The following KCNQ1 variants were observed in gnomAD, a reference collection of about 807,000 sequenced individuals.
The protein encoded by KCNQ1 is potassium voltage-gated channel subfamily KQT member 1.
KCNQ1 carries 49 observed loss-of-function variants against 72.4 expected under a neutral mutation model. The ratio of observed to expected loss-of-function variants is 0.68; its 90% CI spans 0.54 to 0.86. The LOEUF (loss-of-function observed/expected upper bound fraction) is 0.86. Ranked by LOEUF, KCNQ1 falls within the 40% of genes least tolerant of loss-of-function variation. The pLI is 0.00. For missense variants in KCNQ1, 790 were observed against 945.1 expected (o/e 0.84, Z 2.15); for synonymous variants, 450 against 412.6 (o/e 1.09, Z -1.10).
chr11:2,677,593 C>T lies in KCNQ1; in HGVS notation c.1514+15512C>T, dbSNP rs1850315840. The stretch of plus-strand genomic sequence containing the variant: ...TGCTTTACAAAAGACAAACCAAAAT[C>T]CCCTCTGGATTTGTTTTTTTCTAAA... On this transcript the variant is annotated intron_variant, in intron 11 of 15. Coordinates refer to ENST00000155840, the MANE Select transcript of KCNQ1 (RefSeq NM_000218.3). The surrounding 1 kb of genome is among the most constrained non-coding windows in gnomAD (Gnocchi z 4.5). The T allele has an allele frequency of 2.5e-6, 1 of 398,568 alleles. No individual in the cohort carries two copies. The highest frequency in any genetic ancestry group is 4.4e-6 in the Non-Finnish European group (1 of 226,058). The allele number at this position is 398,568 out of a possible 1,614,324, so 24.7% of individuals were successfully genotyped here.
At chr11:2,649,356 A>T (rs938281353) in intron 10 of KCNQ1, 12 of 395,646 alleles carry the variant, frequency 3.0e-5, no homozygotes, top group Non-Finnish European at 4.9e-5. Flanking sequence ...TTCCTTTCTC[A>T]TTTGTGTATC....
intron 15 of KCNQ1, among the ~76,000 whole-genome samples, chr11:2,798,128 CCCCCACTTGTGG>C (rs976117069): frequency 3.7e-5 from 5 of 135,462 alleles, no homozygotes; most frequent in Non-Finnish European, 6.4e-5. Context: ...ACCCTCAGTG[CCCCCACTTGTGG>C]CCCAGGCCCA....
At chr11:2,585,503 C>T (rs917668552) in intron 8 of KCNQ1, among the ~76,000 whole-genome samples, 196 bp downstream of exon 8, 12 of 152,360 alleles carry the variant, frequency 7.9e-5, no homozygotes, top group African/African-American at 2.4e-4. Flanking sequence ...TGTCTTCCTC[C>T]AAAGCTGCTC....
rs1041563165 is a variant in KCNQ1 at position 2,592,882 on chromosome 11, G to A, written c.1393+4028G>A. Among the ~76,000 whole-genome samples, 9 of 152,130 alleles carry A rather than the reference G, an allele frequency of 5.9e-5. No individual in the cohort carries two copies. The highest frequency in any genetic ancestry group is 1.7e-4 in the African/African-American group (7 of 41,432). On this transcript the variant is annotated intron_variant, in intron 10 of 15. Coordinates refer to ENST00000155840, the MANE Select transcript of KCNQ1 (RefSeq NM_000218.3). This position sits in a 1 kb window ranked among gnomAD's most constrained non-coding sequence, Gnocchi z 5.2. ...GTCAGAAGAGGCCTGGGCTGGAGCCGCATACTGGCCATGCTGCCTCGCTGT... is the reference window on the plus strand; with the variant it reads ...GTCAGAAGAGGCCTGGGCTGGAGCCACATACTGGCCATGCTGCCTCGCTGT...
rs10766212 is a variant in KCNQ1 at position 2,611,922 on chromosome 11, A to G, written c.1393+23068A>G. The G allele has an allele frequency of 0.57, 226,842 of 398,284 alleles. 66,594 individuals are homozygous for G. The highest frequency in any genetic ancestry group is 0.75 in the East Asian group (21,065 of 28,046). 24.7% of individuals were successfully genotyped at this position (398,284 alleles called of 1,614,324 possible). On this transcript the variant is annotated intron_variant, in intron 10 of 15. Transcript: ENST00000155840. This position sits in a 1 kb window ranked among gnomAD's most constrained non-coding sequence, Gnocchi z 5.3. ...ACAATAAGCAGCTTAAGCAAAAACA[A>G]TCTGCTTCAGGTTAATAATCTACTC...
At chr11:2,758,268 A>C (rs1846335811) in intron 11 of KCNQ1, among the ~76,000 whole-genome samples, 1 of 152,242 alleles carries the variant, frequency 6.6e-6, no homozygotes, top group African/African-American at 2.4e-5. Flanking sequence ...ACATTTCACC[A>C]AAGAAAATAA....
Position 2,481,473 on chromosome 11 carries a change from AGGCTGTGT to A in KCNQ1, c.386+35993_386+36000del, listed in dbSNP as rs1341766377. On this transcript the variant is annotated intron_variant, in intron 1 of 15. Transcript: ENST00000155840. The surrounding 1 kb of genome is among the most constrained non-coding windows in gnomAD (Gnocchi z 4.6). ...CGTCTACAGCTAGGCTGCTTCCCCG[AGGCTGTGT>A]GGCCATCAGCCAGGCGTCCCCAACC... is the stretch of plus-strand genomic sequence containing the variant. Among the ~76,000 whole-genome samples, 2 of 152,146 alleles carry A rather than the reference AGGCTGTGT, an allele frequency of 1.3e-5. No homozygotes were observed. The highest frequency in any genetic ancestry group is 2.9e-5 in the Non-Finnish European group (2 of 68,030).
chr11:2,656,192 T>TA lies in KCNQ1; in HGVS notation c.1394-5761dup, dbSNP rs908514954. The TA allele has an allele frequency of 3.8e-5, 15 of 398,344 alleles. 1 individual carries two copies. The highest frequency in any genetic ancestry group is 3.1e-4 in the Admixed American group (7 of 22,710). The allele number at this position is 398,344 out of a possible 1,614,324, so 24.7% of individuals were successfully genotyped here. The stretch of plus-strand genomic sequence containing the variant: ...TATGTTTTTTCTTTCTTCCTTCCTT[T>TA]AAAAAAAATTGAATCCTGGATGAAG... On this transcript the variant is annotated intron_variant, in intron 10 of 15. Transcript: ENST00000155840.
In KCNQ1 at chr11:2,464,702, G is replaced by A. The variant is rs1017799179; in HGVS notation, c.386+19218G>A. On this transcript the variant is annotated intron_variant, in intron 1 of 15. Coordinates refer to ENST00000155840, the MANE Select transcript of KCNQ1 (RefSeq NM_000218.3). This position sits in a 1 kb window ranked among gnomAD's most constrained non-coding sequence, Gnocchi z 5.0. ...CTCAGGGGCCAGGATTACATGGTCC[G>A]TGTTGGACTCTGGGATGCTGGTGGG... is the stretch of plus-strand genomic sequence containing the variant. 5.3e-5 allele frequency among the ~76,000 whole-genome samples: 8 copies of A among 152,170 alleles called. No individual in the cohort carries two copies. The highest frequency in any genetic ancestry group is 1.7e-4 in the African/African-American group (7 of 41,436).
At position 2,828,848 on chromosome 11, in the gene KCNQ1, A is replaced by T. The variant is rs1258112846; in HGVS notation, c.1795-18919A>T. Among the ~76,000 whole-genome samples, 2 of 152,260 alleles carry T rather than the reference A, an allele frequency of 1.3e-5. No homozygotes were observed. Among genetic ancestry groups the T allele is most frequent in the Non-Finnish European group, 2.9e-5 (2 of 68,046 alleles). ...CACCATTGTTTTCAGAACACCAGCA[A>T]TAAAGCAGACACTCCACATTTCCAG... On this transcript the variant is annotated intron_variant, in intron 15 of 15. Transcript: ENST00000155840. The surrounding 1 kb of genome is among the most constrained non-coding windows in gnomAD (Gnocchi z 5.3).
chr11:2,450,932 G>T lies in KCNQ1; in HGVS notation c.386+5448G>T, dbSNP rs1846111950. On this transcript the variant is annotated intron_variant, in intron 1 of 15. Coordinates refer to ENST00000155840, the MANE Select transcript of KCNQ1 (RefSeq NM_000218.3). This position sits in a 1 kb window ranked among gnomAD's most constrained non-coding sequence, Gnocchi z 7.9. ...GGCTGGGGAGGGGCTTCTCTCTGGG[G>T]AGCAGGCCCTGGCTGGAGGTGGGGA... Among the ~76,000 whole-genome samples, 2 of 152,184 alleles carry T rather than the reference G, an allele frequency of 1.3e-5. No individual in the cohort carries two copies. Among genetic ancestry groups the T allele is most frequent in the Non-Finnish European group, 2.9e-5 (2 of 68,034 alleles).
At chr11:2,806,353 C>T (rs529579047) in intron 15 of KCNQ1, among the ~76,000 whole-genome samples, 1 of 152,314 alleles carries the variant, frequency 6.6e-6, no homozygotes, top group African/African-American at 2.4e-5. Flanking sequence ...AGGGGACTTC[C>T]CTGCTGAGGA....
chr11:2,812,689 C>T (rs1847515530), intron 15 of KCNQ1, among the ~76,000 whole-genome samples: 1 of 152,242 alleles, frequency 6.6e-6, no homozygotes, highest in Admixed American at 6.5e-5. Flanking sequence ...GCTCAAGCCC[C>T]CCATGGCCTC....
intron 2 of KCNQ1, among the ~76,000 whole-genome samples, chr11:2,568,819 C>G (rs930651469): frequency 3.9e-5 from 6 of 152,066 alleles, no homozygotes; most frequent in Non-Finnish European, 7.4e-5. Flanking sequence ...GGACCCACAC[C>G]CCCCCCATGA....
intron 1 of KCNQ1, among the ~76,000 whole-genome samples, chr11:2,512,830 G>C (rs1375625950): frequency 6.6e-6 from 1 of 152,216 alleles, no homozygotes; most frequent in African/African-American, 2.4e-5. Flanking sequence ...CCTAGCCGTG[G>C]GAGTTGGCGT....
rs548166843 is a variant in KCNQ1 at position 2,683,543 on chromosome 11, G to A, written c.1514+21462G>A. On this transcript the variant is annotated intron_variant, in intron 11 of 15. Transcript: ENST00000155840. This position sits in a 1 kb window ranked among gnomAD's most constrained non-coding sequence, Gnocchi z 4.7. The stretch of plus-strand genomic sequence containing the variant: ...CAGAGTAAACATTTCTAAAAAAGAG[G>A]TAGAAGCCCCTACCTACTGACTGGC... 3.4e-4 allele frequency: 134 copies of A among 398,576 alleles called. No homozygotes were observed. The highest frequency in any genetic ancestry group is 2.5e-3 in the Admixed American group (57 of 22,736). The allele number at this position is 398,576 out of a possible 1,614,324, so 24.7% of individuals were successfully genotyped here. A position where few individuals can be genotyped will look rare whatever the true frequency, so the allele number is the denominator to read the frequency against.
At position 2,721,258 on chromosome 11, in the gene KCNQ1, G is replaced by A. The variant is rs575186918; in HGVS notation, c.1515-47586G>A. ...CCCTGTTTGTCCTACCGTGGAGGTC[G>A]AGTTAAAAGGCAGCACTTCGGGGGT... On this transcript the variant is annotated intron_variant, in intron 11 of 15. Coordinates refer to ENST00000155840, the MANE Select transcript of KCNQ1 (RefSeq NM_000218.3). Among the ~76,000 whole-genome samples, 6 of 152,296 alleles carry A rather than the reference G, an allele frequency of 3.9e-5. No individual in the cohort carries two copies. In the South Asian group the frequency reaches 1.2e-3, roughly 32 times the overall value.
intron 11 of KCNQ1, among the ~76,000 whole-genome samples, chr11:2,730,373 G>A (rs1021128179): frequency 1.3e-5 from 2 of 152,244 alleles, no homozygotes; most frequent in South Asian, 2.1e-4. Context: ...TCCGACATGG[G>A]CTACATTCAA....
chr11:2,495,615 A>C lies in KCNQ1; in HGVS notation c.387-32313A>C, dbSNP rs1474839500. ...ATTTACTCAGTAGTCATTCAGTAGC[A>C]GGTTGTTCAATTTCCATGTATCTGT... is the stretch of plus-strand genomic sequence containing the variant. On this transcript the variant is annotated intron_variant, in intron 1 of 15. Coordinates refer to ENST00000155840, the MANE Select transcript of KCNQ1 (RefSeq NM_000218.3). This position sits in a 1 kb window ranked among gnomAD's most constrained non-coding sequence, Gnocchi z 4.6. Among the ~76,000 whole-genome samples the C allele has an allele frequency of 2.6e-5, 4 of 152,188 alleles. No individual in the cohort carries two copies. Among genetic ancestry groups the C allele is most frequent in the African/African-American group, 9.7e-5 (4 of 41,450 alleles).
Sources: allele counts gnomAD v4.1 joint callset (sites outside exome capture counted in the v4.1 genomes callset), GRCh38; gene constraint gnomAD v4.1.1; non-coding constraint Gnocchi (gnomAD v3.1); transcripts MANE v1.5; gene names NCBI Gene and HGNC (gene_info 2026-07-23, HGNC 2026-07-21).